OLA1: variants seen among roughly 807,000 people sequenced by gnomAD.
The protein encoded by OLA1 is obg-like ATPase 1.
In OLA1, 14 loss-of-function variants were observed where a neutral mutation model predicts 48.4. The ratio of observed to expected loss-of-function variants is 0.29; its 90% CI spans 0.19 to 0.45. The LOEUF is 0.45. Ranked by LOEUF, OLA1 falls within the 20% of genes least tolerant of loss-of-function variation. The probability of loss-of-function intolerance (pLI) is 1.00; values close to 1 mark genes in which losing one functional copy is unlikely to be tolerated. For synonymous variants in OLA1, 127 were observed against 150.4 expected (o/e 0.84, Z 1.14); for missense variants, 325 against 467.1 (o/e 0.70, Z 2.80).
chr2:174,182,857 C>T (rs1687579924), intron 4 of OLA1, among the ~76,000 whole-genome samples: 1 of 152,172 alleles, frequency 6.6e-6, no homozygotes, highest in South Asian at 2.1e-4. Flanking sequence ...ATGGTGACAA[C>T]AAAACTGCCA....
chr2:174,101,937 C>T (rs1294699875), intron 7 of OLA1, among the ~76,000 whole-genome samples: 6 of 152,018 alleles, frequency 3.9e-5, no homozygotes, highest in Admixed American at 2.6e-4. Flanking sequence ...CAGGAAAGTC[C>T]GAAAGTAGAT....
intron 7 of OLA1, among the ~76,000 whole-genome samples, chr2:174,113,595 A>C (rs16862391): frequency 0.12 from 17,619 of 152,204 alleles, 2,325 homozygotes; most frequent in East Asian, 0.72. Flanking sequence ...CTAAAAAAAA[A>C]CCCACAAATG....
chr2:174,247,343 G>T (rs1007700163), intron 1 of OLA1: 2 of 216,194 alleles, frequency 9.3e-6, no homozygotes, highest in Non-Finnish European at 1.8e-5. Context: ...ACTGGGCTCT[G>T]CCTGAGCGAC....
intron 4 of OLA1, among the ~76,000 whole-genome samples, chr2:174,190,536 A>G (rs919751639): frequency 2.0e-5 from 3 of 151,680 alleles, no homozygotes; most frequent in Non-Finnish European, 4.4e-5. Context: ...TATATTCTAT[A>G]TTTATATATT....
chr2:174,123,280 A>G lies in OLA1; in HGVS notation c.631-3T>C, dbSNP rs1278919869. Reference sequence around the variant, plus strand: ...AAGTGTTTATTCAACACTTCAATCTAAAGTGGGAGATGGAGAAAGAATCCC... The same window carrying G: ...AAGTGTTTATTCAACACTTCAATCTGAAGTGGGAGATGGAGAAAGAATCCC... On this transcript the variant is annotated splice_region_variant and splice_polypyrimidine_tract_variant and intron_variant, in intron 6 of 10. Coordinates refer to ENST00000284719, the MANE Select transcript of OLA1 (RefSeq NM_013341.5). The G allele has an allele frequency of 7.3e-7, 1 of 1,375,720 alleles. No individual in the cohort carries two copies. Among genetic ancestry groups the G allele is most frequent in the South Asian group, 1.3e-5 (1 of 78,264 alleles). 85.2% of individuals were successfully genotyped at this position (1,375,720 alleles called of 1,614,324 possible).
intron 5 of OLA1, among the ~76,000 whole-genome samples, chr2:174,127,207 G>A (rs186234502): frequency 1.3e-5 from 2 of 152,310 alleles, no homozygotes; most frequent in Admixed American, 1.3e-4. Flanking sequence ...TGGCAGAGAT[G>A]AGATTCAAAT....
At chr2:174,150,690 C>G (rs1403377193) in intron 4 of OLA1, among the ~76,000 whole-genome samples, 1 of 152,144 alleles carries the variant, frequency 6.6e-6, no homozygotes, top group Non-Finnish European at 1.5e-5. Flanking sequence ...TATAAGTTTT[C>G]CAATTGGAGA....
intron 7 of OLA1, among the ~76,000 whole-genome samples, chr2:174,094,064 C>T (rs55653696): frequency 6.6e-6 from 1 of 152,150 alleles, no homozygotes; most frequent in Non-Finnish European, 1.5e-5. Context: ...GGAGAGGATG[C>T]TGAGACTAGA....
intron 4 of OLA1, among the ~76,000 whole-genome samples, chr2:174,188,072 G>A (rs1233451870): frequency 6.6e-6 from 1 of 152,134 alleles, no homozygotes; most frequent in African/African-American, 2.4e-5. Context: ...TCTGAATCAA[G>A]GTGATCATGA....
intron 7 of OLA1, among the ~76,000 whole-genome samples, chr2:174,114,324 A>G (rs1685727644): frequency 7.3e-6 from 1 of 136,988 alleles, no homozygotes; most frequent in African/African-American, 2.7e-5. Context: ...CCTGGGCGAC[A>G]GAGCAAGACT....
intron 10 of OLA1, among the ~76,000 whole-genome samples, chr2:174,076,095 C>T (rs973184331): frequency 3.3e-5 from 5 of 152,140 alleles, no homozygotes; most frequent in African/African-American, 4.8e-5. Flanking sequence ...ATTCATCATA[C>T]GGTTTCCTGA....
chr2:174,161,430 A>G (rs536619974), intron 4 of OLA1, among the ~76,000 whole-genome samples: 1 of 152,320 alleles, frequency 6.6e-6, no homozygotes, highest in Non-Finnish European at 1.5e-5. Flanking sequence ...ATTTTCATTT[A>G]TCTAAAATCT....
intron 4 of OLA1, among the ~76,000 whole-genome samples, chr2:174,182,246 C>T (rs1271302533): frequency 3.3e-5 from 5 of 152,104 alleles, no homozygotes; most frequent in African/African-American, 4.8e-5. Context: ...CTCTTTCGGC[C>T]GGGCGCGGTG....
intron 4 of OLA1, among the ~76,000 whole-genome samples, chr2:174,150,946 A>G (rs1304432296): frequency 6.6e-6 from 1 of 152,240 alleles, no homozygotes; most frequent in Non-Finnish European, 1.5e-5. Flanking sequence ...AAGGCATGAC[A>G]AGCAACAGGA....
chr2:174,179,472 A>G (rs1261598136), intron 4 of OLA1, among the ~76,000 whole-genome samples: 2 of 152,008 alleles, frequency 1.3e-5, no homozygotes, highest in Admixed American at 1.3e-4. Flanking sequence ...TAACTTAGGA[A>G]TACTTCTTTA....
chr2:174,217,203 T>C (rs1024003003), intron 4 of OLA1, among the ~76,000 whole-genome samples: 1 of 152,130 alleles, frequency 6.6e-6, no homozygotes, highest in African/African-American at 2.4e-5. Context: ...ATGTTAAGGC[T>C]CAAAAATAAT....
At chr2:174,094,499 G>A (rs750367067) in intron 7 of OLA1, among the ~76,000 whole-genome samples, 2 of 152,122 alleles carry the variant, frequency 1.3e-5, no homozygotes, top group African/African-American at 4.8e-5. Flanking sequence ...GAACAAAGTC[G>A]CAGGGCTTAA....
chr2:174,189,374 GA>G lies in OLA1; in HGVS notation c.373+33658del, dbSNP rs1399179518. 2.0e-5 allele frequency among the ~76,000 whole-genome samples: 3 copies of G among 151,988 alleles called. No homozygotes were observed. In the South Asian group the frequency reaches 6.2e-4, roughly 32 times the overall value. ...AGTTAAAGCACAAATGACAAACATG[GA>G]AAAAAATCTGCAACTCATACAACAT... On this transcript the variant is annotated intron_variant, in intron 4 of 10. Coordinates refer to ENST00000284719, the MANE Select transcript of OLA1 (RefSeq NM_013341.5).
chr2:174,185,958 T>G (rs1251196649), intron 4 of OLA1, among the ~76,000 whole-genome samples: 1 of 152,006 alleles, frequency 6.6e-6, no homozygotes, highest in Non-Finnish European at 1.5e-5. Flanking sequence ...ATTTTTCACA[T>G]ATAAACAGCA....
Sources: gnomAD v4.1 joint callset for allele counts (sites outside exome capture counted in the v4.1 genomes callset) on GRCh38, gnomAD v4.1.1 for gene constraint, MANE v1.5 for transcripts, NCBI Gene and HGNC (gene_info 2026-07-23, HGNC 2026-07-21) for gene names.